The following COBLL1 variants were observed in gnomAD, a reference collection of about 807,000 sequenced individuals.
COBLL1 encodes cordon-bleu protein-like 1.
COBLL1 carries 50 observed loss-of-function variants against 94.8 expected under a neutral mutation model. That is an observed-to-expected ratio of 0.53 (90% CI 0.42 to 0.67). The LOEUF is 0.67. Among genes scored for constraint, COBLL1 ranks in the 30% least tolerant of loss-of-function variants. COBLL1 has a pLI of 0.00. For synonymous variants in COBLL1, 448 were observed against 473.8 expected, an observed-to-expected ratio of 0.95 and a Z score of 0.71; for missense variants, 1,362 against 1,348.7, an observed-to-expected ratio of 1.01 and a Z score of -0.15.
Position 164,695,468 on chromosome 2 carries a change from G to C in COBLL1, c.1924C>G (p.His642Asp), listed in dbSNP as rs1574423152. Reference protein sequence around the residue: ...QTSNNNISTQHSCLSSQDSVN... With the variant: ...QTSNNNISTQDSCLSSQDSVN... Reference sequence around the variant, plus strand: ...GAATCTTGTGAACTTAAGCATGAGTGTTGAGTTGATATGTTGTTATTTGAA... The same window carrying C: ...GAATCTTGTGAACTTAAGCATGAGTCTTGAGTTGATATGTTGTTATTTGAA... The change falls in exon 12 of 14, where the codon CAC becomes GAC. Residue 642 changes from histidine to aspartate, a missense_variant. Transcript: ENST00000652658. The C allele has an allele frequency of 6.2e-7, 1 of 1,613,912 alleles. No homozygotes were observed. The highest frequency in any genetic ancestry group is 2.2e-5 in the East Asian group (1 of 44,858).
chr2:164,699,564 C>T (rs113688595), intron 10 of COBLL1, 65 bp from the exon 11 acceptor site: 3 of 837,414 alleles, frequency 3.6e-6, no homozygotes, highest in African/African-American at 1.7e-5. Context: ...CACACACACA[C>T]AGACACACAC....
rs191918781 is a variant in COBLL1, at chr2:164,818,781, T to C, written c.41+22375A>G. Among the ~76,000 whole-genome samples the C allele has an allele frequency of 5.8e-4, 61 of 104,690 alleles. 1 individual carries two copies. The East Asian group carries it at 7.0e-3, about 12-fold the overall frequency. 68.7% of individuals were successfully genotyped at this position (104,690 alleles called of 152,430 possible). On this transcript the variant is annotated intron_variant, in intron 2 of 13. Coordinates refer to ENST00000652658, the MANE Select transcript of COBLL1 (RefSeq NM_001365672.2). ...GTACTTATGTAAACATATATATATA[T>C]ACATATAATTTTTTTTCGAGATCTT... is the stretch of plus-strand genomic sequence containing the variant.
At position 164,777,612 on chromosome 2, in the gene COBLL1, T is replaced by C. The variant is rs12469223; in HGVS notation, c.42-33737A>G. Among the ~76,000 whole-genome samples the C allele has an allele frequency of 8.2e-4, 125 of 152,242 alleles. 1 individual carries two copies. Among genetic ancestry groups the C allele is most frequent in the Admixed American group, 6.3e-3 (97 of 15,290 alleles). On this transcript the variant is annotated intron_variant, in intron 2 of 13. Transcript: ENST00000652658. ...CTTCTTAGGGAAAATGAGAACACAA[T>C]CTTCTAAACCCAGATGAATGACATC...
At chr2:164,741,533 A>T (rs1031608216) in intron 3 of COBLL1, among the ~76,000 whole-genome samples, 2 of 152,110 alleles carry the variant, frequency 1.3e-5, no homozygotes, top group African/African-American at 2.4e-5. Flanking sequence ...CAATTAAAAA[A>T]AAAAAAAAGA....
intron 2 of COBLL1, among the ~76,000 whole-genome samples, chr2:164,759,549 T>C (rs535955372): frequency 2.6e-5 from 4 of 152,202 alleles, no homozygotes; most frequent in African/African-American, 7.2e-5. Context: ...TATACATATA[T>C]GTATATAAAA....
intron 2 of COBLL1, among the ~76,000 whole-genome samples, chr2:164,788,586 TAA>T (rs1188441423): frequency 1.3e-5 from 2 of 152,150 alleles, no homozygotes; most frequent in African/African-American, 4.8e-5. Context: ...ACATGTTTGG[TAA>T]AAGTTTGTCT....
At chr2:164,772,067 T>A (rs1183903398) in intron 2 of COBLL1, 1 of 152,006 alleles carries the variant, frequency 6.6e-6, no homozygotes, top group Non-Finnish European at 1.5e-5. Context: ...TCATTAAGTT[T>A]GCTTATTTAT....
intron 9 of COBLL1, among the ~76,000 whole-genome samples, chr2:164,702,482 T>G (rs999503933): frequency 2.1e-5 from 3 of 142,166 alleles, no homozygotes; most frequent in Non-Finnish European, 3.0e-5. Context: ...GAGAATGGCG[T>G]GAACCCAGGA....
At chr2:164,831,321 C>T (rs1361641704) in intron 2 of COBLL1, among the ~76,000 whole-genome samples, 1 of 150,032 alleles carries the variant, frequency 6.7e-6, no homozygotes, top group Non-Finnish European at 1.5e-5. Flanking sequence ...GAGTCTGTCT[C>T]AAAAAATAAT....
intron 1 of COBLL1, among the ~76,000 whole-genome samples, chr2:164,667,559 T>G (rs183431202): frequency 6.6e-6 from 1 of 152,256 alleles, no homozygotes; most frequent in African/African-American, 2.4e-5. Context: ...AATCTAGATC[T>G]TCTGCATAGC....
intron 13 of COBLL1, 134 bp from the exon 14 acceptor site, chr2:164,686,166 T>C: frequency 4.0e-6 from 2 of 497,408 alleles, no homozygotes; most frequent in Non-Finnish European, 7.1e-6. Context: ...CAATAAATTA[T>C]AATCAAGAAT....
At position 164,682,285 on chromosome 2, in the gene COBLL1, G is replaced by C. The variant is rs1041826772; in HGVS notation, c.*3661C>G. 1 of 151,326 alleles carries C rather than the reference G, an allele frequency of 6.6e-6. No individual in the cohort carries two copies. Among genetic ancestry groups the C allele is most frequent in the Non-Finnish European group, 1.5e-5 (1 of 68,008 alleles). 9.4% of individuals were successfully genotyped at this position (151,326 alleles called of 1,614,324 possible). ...CTTTGACCCTGGAAATCTTCACTAT[G>C]ACCTCTAATTGCAAGTTCTTTTCTT... On this transcript the variant is annotated 3_prime_UTR_variant, in exon 14 of 14. Transcript: ENST00000652658.
At chr2:164,719,650 T>C (rs748128170) in intron 7 of COBLL1, among the ~76,000 whole-genome samples, 1 of 152,166 alleles carries the variant, frequency 6.6e-6, no homozygotes, top group Non-Finnish European at 1.5e-5. Context: ...TACCTGCCAC[T>C]GGATTTGAGC....
intron 10 of COBLL1, among the ~76,000 whole-genome samples, chr2:164,699,894 A>T (rs965293926): frequency 2.0e-5 from 3 of 152,028 alleles, no homozygotes; most frequent in African/African-American, 7.2e-5. Context: ...GACCTCACTG[A>T]TCTTTTTTTC....
Position 164,744,976 on chromosome 2 carries a change from G to A in COBLL1, c.42-1101C>T, listed in dbSNP as rs1489259616. 2.0e-5 allele frequency among the ~76,000 whole-genome samples: 3 copies of A among 152,066 alleles called. No homozygotes were observed. In the East Asian group the frequency reaches 5.8e-4, roughly 29 times the overall value. On this transcript the variant is annotated intron_variant, in intron 2 of 13. Coordinates refer to ENST00000652658, the MANE Select transcript of COBLL1 (RefSeq NM_001365672.2). ...TTTATGGTTTTATTTAAAACACTGT[G>A]AATTAAAGTTTTTGAAACTATTACC...
At chr2:164,828,994 TAGA>T (rs1682924762) in intron 2 of COBLL1, among the ~76,000 whole-genome samples, 2 of 152,286 alleles carry the variant, frequency 1.3e-5, no homozygotes, top group South Asian at 4.1e-4. Flanking sequence ...ACCAAGATGC[TAGA>T]AGGAGATGTC....
At chr2:164,837,023 A>G (rs1041709896) in intron 2 of COBLL1, among the ~76,000 whole-genome samples, 8 of 152,326 alleles carry the variant, frequency 5.3e-5, no homozygotes, top group Admixed American at 2.6e-4. Context: ...GAAACTTTAG[A>G]ACCAATAACA....
At chr2:164,788,276 G>T in intron 2 of COBLL1, among the ~76,000 whole-genome samples, 1 of 152,166 alleles carries the variant, frequency 6.6e-6, no homozygotes, top group East Asian at 1.9e-4. Flanking sequence ...ATCAGAGAAA[G>T]AGATTTTCTT....
Position 164,806,966 on chromosome 2 carries a change from A to G in COBLL1, c.41+34190T>C, listed in dbSNP as rs929135411. ...GGTTATCCTCCTGCCTAAGCCTTCC[A>G]AAGTGCTGGGATTATAGCGTGAGCC... On this transcript the variant is annotated intron_variant, in intron 2 of 13. Transcript: ENST00000652658. Among the ~76,000 whole-genome samples, 4 of 152,258 alleles carry G rather than the reference A, an allele frequency of 2.6e-5. No homozygotes were observed. In the South Asian group the frequency reaches 6.2e-4, roughly 24 times the overall value.
Sources: allele counts gnomAD v4.1 joint callset (sites outside exome capture counted in the v4.1 genomes callset), GRCh38; gene constraint gnomAD v4.1.1; transcripts MANE v1.5; gene names NCBI Gene and HGNC (gene_info 2026-07-23, HGNC 2026-07-21).